The following PITPNA variants were observed in gnomAD, a reference collection of about 807,000 sequenced individuals.
PITPNA encodes the protein phosphatidylinositol transfer protein alpha.
A neutral mutation model predicts 50.3 loss-of-function variants in PITPNA; 13 were observed. The ratio of observed to expected loss-of-function variants is 0.26; its 90% CI spans 0.17 to 0.41. PITPNA has a LOEUF of 0.41. Among genes scored for constraint, PITPNA ranks in the 10% least tolerant of loss-of-function variants. The probability of loss-of-function intolerance (pLI) is 1.00; values close to 1 mark genes in which losing one functional copy is unlikely to be tolerated. For missense variants in PITPNA, 207 were observed against 333.4 expected (o/e 0.62, Z 2.95); for synonymous variants, 120 against 119.6 (o/e 1.00, Z -0.02).
chr17:1,546,798 T>C (rs1432789983), intron 4 of PITPNA, among the ~76,000 whole-genome samples: 1 of 152,164 alleles, frequency 6.6e-6, no homozygotes, highest in African/African-American at 2.4e-5. Flanking sequence ...TCGAAAGAAA[T>C]TTAAGAATGT....
At chr17:1,531,009 C>T (rs1457804792) in intron 10 of PITPNA, among the ~76,000 whole-genome samples, 2 of 125,278 alleles carry the variant, frequency 1.6e-5, no homozygotes, top group East Asian at 5.3e-4. Flanking sequence ...GTGTTCCCTT[C>T]TCCTGCTCTG....
chr17:1,532,310 G>C (rs2075588343), intron 10 of PITPNA, among the ~76,000 whole-genome samples: 1 of 152,058 alleles, frequency 6.6e-6, no homozygotes, highest in Non-Finnish European at 1.5e-5. Flanking sequence ...GTTGGTCTCA[G>C]ACTCCTGACC....
At chr17:1,560,857 C>G (rs1290018626) in intron 1 of PITPNA, among the ~76,000 whole-genome samples, 1 of 152,204 alleles carries the variant, frequency 6.6e-6, no homozygotes, top group Admixed American at 6.5e-5. Flanking sequence ...AAATAATGCT[C>G]TTCAGATGAG....
intron 10 of PITPNA, among the ~76,000 whole-genome samples, chr17:1,523,059 G>T (rs1440686319): frequency 1.3e-5 from 2 of 152,158 alleles, no homozygotes; most frequent in Non-Finnish European, 2.9e-5. Flanking sequence ...GCAGGTGCAG[G>T]TCTCAGATCC....
intron 10 of PITPNA, among the ~76,000 whole-genome samples, chr17:1,522,397 G>A (rs116123835): frequency 3.0e-4 from 46 of 152,178 alleles, no homozygotes; most frequent in African/African-American, 1.1e-3. Context: ...TGTGTGTGAG[G>A]AGTCTTGCTC....
At chr17:1,550,808 G>A (rs78611780) in intron 3 of PITPNA, among the ~76,000 whole-genome samples, 5,212 of 152,338 alleles carry the variant, frequency 0.034, 298 homozygotes, top group African/African-American at 0.12. Context: ...AAGGGAAGCC[G>A]TCAGCAGTTT....
chr17:1,523,346 T>C (rs765354560), intron 10 of PITPNA, among the ~76,000 whole-genome samples: 3 of 150,634 alleles, frequency 2.0e-5, no homozygotes, highest in Non-Finnish European at 2.9e-5. Flanking sequence ...CTCCCTAGAC[T>C]GTATTGTTTT....
Position 1,562,302 on chromosome 17 carries a change from TGCCCCTCCACGCCCCGGCC to T in PITPNA, c.20+220_20+238del, listed in dbSNP as rs1188187704. Among the ~76,000 whole-genome samples, 217 of 148,016 alleles carry T rather than the reference TGCCCCTCCACGCCCCGGCC, an allele frequency of 1.5e-3. 1 individual carries two copies. Among genetic ancestry groups the T allele is most frequent in the African/African-American group, 3.9e-3 (154 of 39,824 alleles). ...CGGCTCAGATGCCGAACGCCCCGGC[TGCCCCTCCACGCCCCGGCC>T]GCCCCTCCACGCCCCGGCCGCCCCT... On this transcript the variant is annotated intron_variant, in intron 1 of 11. Transcript: ENST00000313486. The surrounding 1 kb of genome is among the most constrained non-coding windows in gnomAD (Gnocchi z 6.4).
intron 10 of PITPNA, among the ~76,000 whole-genome samples, chr17:1,529,918 AATCTCATT>A (rs1302997746): frequency 2.0e-5 from 3 of 152,144 alleles, no homozygotes; most frequent in Non-Finnish European, 4.4e-5. Flanking sequence ...CTCTTTTCTG[AATCTCATT>A]ATCTAAAGAG....
chr17:1,521,322 A>G (rs1047407056), intron 11 of PITPNA, among the ~76,000 whole-genome samples: 1 of 151,422 alleles, frequency 6.6e-6, no homozygotes, highest in African/African-American at 2.4e-5. Context: ...GATTCGCAGC[A>G]GATGAACTCC....
intron 2 of PITPNA, among the ~76,000 whole-genome samples, chr17:1,554,864 G>A (rs1412075492): frequency 2.0e-5 from 3 of 152,186 alleles, no homozygotes; most frequent in Non-Finnish European, 2.9e-5. Flanking sequence ...AGGAACATAT[G>A]GGTGAAAGCC....
rs2075610111 is a variant in PITPNA, at chr17:1,535,436, G to A, written c.534+5C>T. The A allele has an allele frequency of 6.2e-7, 1 of 1,608,270 alleles. No individual in the cohort carries two copies. Among genetic ancestry groups the A allele is most frequent in the Admixed American group, 1.7e-5 (1 of 59,976 alleles). ...GCCCCCTGGCAGTGAAGGTGTGAAT[G>A]GTACCTTCCAATTGGGGCCCAAGGG... On this transcript the variant is annotated splice_donor_5th_base_variant and intron_variant, in intron 8 of 11. Coordinates refer to ENST00000313486, the MANE Select transcript of PITPNA (RefSeq NM_006224.4).
chr17:1,556,599 T>G (rs1315486706), intron 2 of PITPNA, among the ~76,000 whole-genome samples: 1 of 152,042 alleles, frequency 6.6e-6, no homozygotes, highest in East Asian at 1.9e-4. Context: ...AAACTCCCTA[T>G]CAAAGGATCC....
At chr17:1,532,956 G>A (rs17821234) in intron 10 of PITPNA, among the ~76,000 whole-genome samples, 13,514 of 152,286 alleles carry the variant, frequency 0.089, 808 homozygotes, top group East Asian at 0.14. Flanking sequence ...CGGGGTTCCA[G>A]AGGAAGAACT....
At position 1,529,032 on chromosome 17, in the gene PITPNA, G is replaced by A. The variant is rs1362159689; in HGVS notation, c.768+5067C>T. 5.3e-5 allele frequency among the ~76,000 whole-genome samples: 8 copies of A among 151,944 alleles called. No homozygotes were observed. The East Asian group carries it at 1.6e-3, about 29-fold the overall frequency. ...GCACACCTGTAATCCCAGCTACTTG[G>A]GAGGCTGAGGCAGGAGAATGGTGTG... On this transcript the variant is annotated intron_variant, in intron 10 of 11. Transcript: ENST00000313486.
intron 2 of PITPNA, among the ~76,000 whole-genome samples, chr17:1,554,924 C>G (rs775668629): frequency 6.6e-6 from 1 of 152,154 alleles, no homozygotes; most frequent in South Asian, 2.1e-4. Flanking sequence ...TGCCTCAATG[C>G]CCCCCTGGAG....
At chr17:1,521,913 G>A (rs2075515851) in intron 10 of PITPNA, among the ~76,000 whole-genome samples, 1 of 149,308 alleles carries the variant, frequency 6.7e-6, no homozygotes, top group African/African-American at 2.5e-5. Flanking sequence ...GTGTGTGTGG[G>A]GGGGTCTTCC....
chr17:1,542,143 G>A (rs868784213), intron 5 of PITPNA, among the ~76,000 whole-genome samples: 4 of 151,918 alleles, frequency 2.6e-5, no homozygotes, highest in South Asian at 2.1e-4. Flanking sequence ...GAAGCTGCAG[G>A]GAGCCGAGAT....
intron 4 of PITPNA, among the ~76,000 whole-genome samples, chr17:1,547,895 G>A (rs1458237113): frequency 4.6e-5 from 7 of 152,096 alleles, no homozygotes; most frequent in Non-Finnish European, 7.4e-5. Context: ...TCGGGAGGCT[G>A]AGGCAGCAGA....
Sources: allele counts gnomAD v4.1 joint callset (sites outside exome capture counted in the v4.1 genomes callset), GRCh38; gene constraint gnomAD v4.1.1; non-coding constraint Gnocchi (gnomAD v3.1); transcripts MANE v1.5; gene names NCBI Gene and HGNC (gene_info 2026-07-23, HGNC 2026-07-21).